CACNA1E: variants seen among roughly 807,000 people sequenced by gnomAD.
The protein encoded by CACNA1E is voltage-dependent R-type calcium channel subunit alpha-1E.
A neutral mutation model predicts 259.2 loss-of-function variants in CACNA1E; 40 were observed. That is an observed-to-expected ratio of 0.15 (90% CI 0.12 to 0.20). CACNA1E has a LOEUF of 0.20. CACNA1E is among the 10% of genes least tolerant of loss of function. The probability of loss-of-function intolerance (pLI) is 1.00; values close to 1 mark genes in which losing one functional copy is unlikely to be tolerated. For synonymous variants in CACNA1E, 1,104 were observed against 1,138.5 expected (o/e 0.97, Z 0.61); for missense variants, 1,874 against 3,040.1 (o/e 0.62, Z 9.02).
chr1:181,456,814 C>A (rs551162366), intron 2 of CACNA1E, among the ~76,000 whole-genome samples: 1 of 152,170 alleles, frequency 6.6e-6, no homozygotes, highest in Non-Finnish European at 1.5e-5. Context: ...TAATATTTAC[C>A]TGCAGTGTTA....
chr1:181,770,953 C>T (rs981428701), intron 35 of CACNA1E, among the ~76,000 whole-genome samples: 6 of 152,238 alleles, frequency 3.9e-5, no homozygotes, highest in South Asian at 4.2e-4. Context: ...CTTTGACAGA[C>T]GCTTGAGTAC....
chr1:181,658,751 G>A (rs953021661), intron 7 of CACNA1E, among the ~76,000 whole-genome samples: 8 of 152,162 alleles, frequency 5.3e-5, no homozygotes, highest in African/African-American at 1.9e-4. Flanking sequence ...TGGCAGCTGG[G>A]AACAGCTGAT....
Position 181,391,959 on chromosome 1 carries a change from G to C in CACNA1E, c.-14-21174G>C, listed in dbSNP as rs976699384. On this transcript the variant is annotated intron_variant, in intron 1 of 11. Transcript: ENST00000524607. ...TCTCTCTCTCTCTGTGTGTGTGTGT[G>C]TGTGTGTGTGTGTGTGTGTGTTTAG... Among the ~76,000 whole-genome samples, 19 of 149,850 alleles carry C rather than the reference G, an allele frequency of 1.3e-4. No individual in the cohort carries two copies. The East Asian group carries it at 4.5e-3, about 35-fold the overall frequency.
chr1:181,667,754 C>A (rs1302574483), intron 7 of CACNA1E, among the ~76,000 whole-genome samples: 1 of 151,952 alleles, frequency 6.6e-6, no homozygotes, highest in Non-Finnish European at 1.5e-5. Flanking sequence ...AATGAGAAGA[C>A]CCCAAGTGCT....
intron 8 of CACNA1E, among the ~76,000 whole-genome samples, chr1:181,711,809 C>T (rs1046307225): frequency 6.6e-6 from 1 of 152,174 alleles, no homozygotes; most frequent in Admixed American, 6.5e-5. Flanking sequence ...GAACAGGAGA[C>T]AGAGTGACAG....
intron 1 of CACNA1E, among the ~76,000 whole-genome samples, chr1:181,320,661 C>T (rs111832867): frequency 5.3e-4 from 80 of 152,286 alleles, no homozygotes; most frequent in Non-Finnish European, 8.1e-4. Context: ...TCCCTGCACA[C>T]GAGGTTGACC....
intron 1 of CACNA1E, among the ~76,000 whole-genome samples, chr1:181,357,876 A>G (rs935179782): frequency 6.6e-6 from 1 of 152,166 alleles, no homozygotes; most frequent in African/African-American, 2.4e-5. Flanking sequence ...GATGGCAAGG[A>G]GGTCACTTCT....
intron 1 of CACNA1E, among the ~76,000 whole-genome samples, chr1:181,499,624 A>G (rs745385785): frequency 6.6e-6 from 1 of 152,232 alleles, no homozygotes; most frequent in Non-Finnish European, 1.5e-5. Flanking sequence ...GGACACGATT[A>G]ACTTTCTTGG....
At chr1:181,782,780 T>C (rs1468782459) in intron 39 of CACNA1E, among the ~76,000 whole-genome samples, 1 of 152,154 alleles carries the variant, frequency 6.6e-6, no homozygotes, top group Non-Finnish European at 1.5e-5. Flanking sequence ...GGGGCTGGCA[T>C]CCTTTTTGCT....
intron 6 of CACNA1E, among the ~76,000 whole-genome samples, chr1:181,589,251 G>A (rs1339565411): frequency 3.9e-5 from 6 of 152,202 alleles, no homozygotes; most frequent in African/African-American, 1.2e-4. Context: ...CAGTAAGAGG[G>A]TGACATGGCA....
chr1:181,589,332 C>G (rs974503608), intron 6 of CACNA1E, among the ~76,000 whole-genome samples: 21 of 152,298 alleles, frequency 1.4e-4, no homozygotes, highest in African/African-American at 4.8e-4. Flanking sequence ...ATGTGAATTT[C>G]CATGAGGTCA....
chr1:181,671,042 T>A lies in CACNA1E; in HGVS notation c.1055+19601T>A, dbSNP rs549829645. ...CAAACATTTATTCATTTATTATTAT[T>A]GTTATTATTGAGACACGGTCTTGCT... On this transcript the variant is annotated intron_variant, in intron 7 of 47. Coordinates refer to ENST00000367573, the MANE Select transcript of CACNA1E (RefSeq NM_001205293.3). 3.9e-5 allele frequency among the ~76,000 whole-genome samples: 6 copies of A among 152,336 alleles called. No homozygotes were observed. The East Asian group carries it at 1.2e-3, about 29-fold the overall frequency.
chr1:181,571,562 A>G (rs978998433), intron 3 of CACNA1E, among the ~76,000 whole-genome samples: 2 of 152,226 alleles, frequency 1.3e-5, no homozygotes, highest in Admixed American at 6.5e-5. Context: ...ATTTATGTCA[A>G]CTACCCATGG....
At chr1:181,580,021 G>A (rs1335163105) in intron 5 of CACNA1E, among the ~76,000 whole-genome samples, 3 of 152,204 alleles carry the variant, frequency 2.0e-5, no homozygotes, top group Non-Finnish European at 4.4e-5. Flanking sequence ...AGGAGGAAAG[G>A]AGATGGGAGG....
intron 1 of CACNA1E, among the ~76,000 whole-genome samples, chr1:181,347,717 C>T (rs1327845416): frequency 6.6e-6 from 1 of 152,204 alleles, no homozygotes; most frequent in Non-Finnish European, 1.5e-5. Flanking sequence ...ACTGTGTCAG[C>T]CATTGTGGGT....
intron 2 of CACNA1E, among the ~76,000 whole-genome samples, chr1:181,417,072 C>T (rs1413212492): frequency 2.0e-5 from 3 of 152,094 alleles, no homozygotes; most frequent in South Asian, 2.1e-4. Flanking sequence ...TCCATAATCT[C>T]GGTTTCAAGC....
intron 6 of CACNA1E, among the ~76,000 whole-genome samples, chr1:181,587,744 G>A (rs1200688105): frequency 1.3e-5 from 2 of 152,116 alleles, no homozygotes; most frequent in African/African-American, 4.8e-5. Context: ...ATAGCCGGGC[G>A]CAGTGGCGGG....
chr1:181,682,147 A>G (rs1650037168), intron 7 of CACNA1E, among the ~76,000 whole-genome samples: 1 of 152,154 alleles, frequency 6.6e-6, no homozygotes, highest in African/African-American at 2.4e-5. Flanking sequence ...ATTAACGATG[A>G]CCCCATAGTG....
chr1:181,490,097 GC>G (rs1664181307), intron 1 of CACNA1E, among the ~76,000 whole-genome samples: 1 of 152,108 alleles, frequency 6.6e-6, no homozygotes, highest in Admixed American at 6.5e-5. Context: ...GTGTATCTTT[GC>G]TCACTGAGCA....
Sources: allele counts gnomAD v4.1 joint callset (sites outside exome capture counted in the v4.1 genomes callset), GRCh38; gene constraint gnomAD v4.1.1; transcripts MANE v1.5; gene names NCBI Gene and HGNC (gene_info 2026-07-23, HGNC 2026-07-21).